Variants in ZFHX3 observed in about 807,000 individuals in gnomAD.
ZFHX3 encodes the protein zinc finger homeobox protein 3.
ZFHX3 carries 42 observed loss-of-function variants against 279.1 expected under a neutral mutation model. The ratio of observed to expected loss-of-function variants is 0.15; its 90% CI spans 0.12 to 0.19. The LOEUF (loss-of-function observed/expected upper bound fraction) is 0.19. ZFHX3 is among the 10% of genes least tolerant of loss of function. The pLI is 1.00. For synonymous variants in ZFHX3, 2,293 were observed against 1,957.8 expected (o/e 1.17, Z -4.52); for missense variants, 4,981 against 4,754.0 (o/e 1.05, Z -1.40).
At chr16:73,341,513 G>A (rs966121718) in intron 3 of ZFHX3, among the ~76,000 whole-genome samples, 2 of 152,112 alleles carry the variant, frequency 1.3e-5, no homozygotes, top group East Asian at 1.9e-4. Flanking sequence ...CAGTTTGATG[G>A]TTCCTCAAAC....
At chr16:72,969,692 T>C (rs192382372) in intron 1 of ZFHX3, among the ~76,000 whole-genome samples, 1 of 152,342 alleles carries the variant, frequency 6.6e-6, no homozygotes, top group Non-Finnish European at 1.5e-5. Context: ...TGAAACCTCC[T>C]TCAAGGGTCA....
In ZFHX3 at chr16:72,901,217, C is replaced by G. The variant is rs1009896061; in HGVS notation, c.3217-11255G>C. On this transcript the variant is annotated intron_variant, in intron 3 of 9. Transcript: ENST00000268489. ...TTTTCCTCCCTTGCTCTGCAGCCCGCTGAGTGCACCTGCCCAGATGTCTTG... is the reference window on the plus strand; with the variant it reads ...TTTTCCTCCCTTGCTCTGCAGCCCGGTGAGTGCACCTGCCCAGATGTCTTG... Among the ~76,000 whole-genome samples, 6 of 152,328 alleles carry G rather than the reference C, an allele frequency of 3.9e-5. No homozygotes were observed. In the South Asian group the frequency reaches 1.2e-3, roughly 32 times the overall value.
chr16:73,296,556 C>T (rs2014914353), intron 4 of ZFHX3, among the ~76,000 whole-genome samples: 2 of 152,188 alleles, frequency 1.3e-5, no homozygotes, highest in Non-Finnish European at 2.9e-5. Context: ...AACAAATTTA[C>T]TAGACAACAA....
At chr16:73,420,936 C>A (rs1233547609) in intron 3 of ZFHX3, 1 of 152,224 alleles carries the variant, frequency 6.6e-6, no homozygotes, top group Non-Finnish European at 1.5e-5. Flanking sequence ...TAATCTGGCT[C>A]ATTTCATTGG....
chr16:73,423,204 C>T lies in ZFHX3; in HGVS notation c.-1291+32799G>A, dbSNP rs968162797. On this transcript the variant is annotated intron_variant, in intron 3 of 17. Transcript: ENST00000641206. ...GGGAGGGACAAAATTCATCCTATAA[C>T]ACCACCCTTTGTTATTCAAGAGCTG... Among the ~76,000 whole-genome samples the T allele has an allele frequency of 6.7e-5, 10 of 148,606 alleles. 1 individual carries two copies. The South Asian group carries it at 2.2e-3, about 32-fold the overall frequency.
intron 2 of ZFHX3, among the ~76,000 whole-genome samples, chr16:73,641,874 A>G (rs2052575999): frequency 6.6e-6 from 1 of 152,174 alleles, no homozygotes; most frequent in Admixed American, 6.5e-5. Context: ...AGAAATTAGT[A>G]AACAAGCAAA....
chr16:73,858,108 AGAAG>A (rs1961786717), intron 1 of ZFHX3, among the ~76,000 whole-genome samples: 1 of 146,524 alleles, frequency 6.8e-6, no homozygotes, highest in African/African-American at 2.7e-5. Flanking sequence ...AAAAAAAAAA[AGAAG>A]AAGAAGAAGA....
chr16:73,797,968 A>G (rs1204814326), intron 1 of ZFHX3, among the ~76,000 whole-genome samples: 1 of 151,802 alleles, frequency 6.6e-6, no homozygotes, highest in Non-Finnish European at 1.5e-5. Context: ...CACTATATCC[A>G]GCCAATTTTT....
At chr16:73,413,216 G>T (rs1371660567) in intron 3 of ZFHX3, among the ~76,000 whole-genome samples, 1 of 152,232 alleles carries the variant, frequency 6.6e-6, no homozygotes, top group Non-Finnish European at 1.5e-5. Flanking sequence ...AGTTCAAGAG[G>T]CCCTTGCCAT....
intron 4 of ZFHX3, among the ~76,000 whole-genome samples, chr16:72,833,732 A>G (rs2037120042): frequency 3.9e-5 from 6 of 152,100 alleles, no homozygotes; most frequent in South Asian, 4.2e-4. Context: ...AGCAGGCCCA[A>G]TGCCTCCCAG....
intron 1 of ZFHX3, among the ~76,000 whole-genome samples, chr16:73,706,352 C>T (rs1307179956): frequency 2.6e-5 from 4 of 151,022 alleles, no homozygotes; most frequent in African/African-American, 9.7e-5. Flanking sequence ...ATCCCAGCTA[C>T]TCGGGAGGCT....
At position 72,831,289 on chromosome 16, in the gene ZFHX3, G is replaced by A. The variant is rs549238507; in HGVS notation, c.3449-1430C>T. ...ATGGAGGTCCAAGGTCTGGAAAACT[G>A]AACTAGTGTCACGGAACGTTCTTTC... On this transcript the variant is annotated intron_variant, in intron 4 of 9. Transcript: ENST00000268489. Among the ~76,000 whole-genome samples the A allele has an allele frequency of 2.6e-5, 4 of 152,278 alleles. No homozygotes were observed. In the East Asian group the frequency reaches 7.7e-4, roughly 29 times the overall value.
chr16:73,006,960 G>A lies in ZFHX3; in HGVS notation c.-50+40792C>T, dbSNP rs147388375. On this transcript the variant is annotated intron_variant, in intron 1 of 9. Coordinates refer to ENST00000268489, the MANE Select transcript of ZFHX3 (RefSeq NM_006885.4). ...AGCAAAAAGGCTGTCGAGTCCACAG[G>A]TCCTTTACATGTTGAGTAAAGACCC... Among the ~76,000 whole-genome samples, 5 of 152,256 alleles carry A rather than the reference G, an allele frequency of 3.3e-5. No homozygotes were observed. In the East Asian group the frequency reaches 9.7e-4, roughly 29 times the overall value.
In ZFHX3 at chr16:72,957,803, C is replaced by G. The variant is rs369675306; in HGVS notation, c.2343G>C (p.Ala781=). Residue 781 remains alanine (A), a synonymous_variant, in exon 2 of 10, where the codon GCG becomes GCC. Transcript: ENST00000268489. ...GAAAAAVAAA[A]AAANISSSCG... Reference sequence around the variant, plus strand: ...AGGAGCTACTGATATTGGCTGCCGCCGCCGCCGCAGCCACCGCCGCCGCCG... The same window carrying G: ...AGGAGCTACTGATATTGGCTGCCGCGGCCGCCGCAGCCACCGCCGCCGCCG... The G allele has an allele frequency of 5.0e-5, 80 of 1,591,388 alleles. No individual in the cohort carries two copies. The highest frequency in any genetic ancestry group is 6.9e-5 in the Non-Finnish European group (80 of 1,163,988).
chr16:73,064,379 G>C (rs1965720975), upstream of ZFHX3, among the ~76,000 whole-genome samples: 1 of 152,242 alleles, frequency 6.6e-6, no homozygotes, highest in South Asian at 2.1e-4. Context: ...CTAGAAGGCA[G>C]CTGAGGTCTG....
chr16:73,308,276 T>C (rs1410466582), intron 4 of ZFHX3, among the ~76,000 whole-genome samples: 1 of 45,714 alleles, frequency 2.2e-5, no homozygotes, highest in Non-Finnish European at 4.8e-5. Flanking sequence ...TATATATATA[T>C]ATTTATTTAT....
At chr16:73,776,544 C>T (rs926762817) in intron 1 of ZFHX3, among the ~76,000 whole-genome samples, 1 of 152,040 alleles carries the variant, frequency 6.6e-6, no homozygotes, top group Non-Finnish European at 1.5e-5. Flanking sequence ...AAATATGCAA[C>T]CGCGTTAATG....
intron 2 of ZFHX3, chr16:73,499,649 A>G (rs1175074153): frequency 6.6e-6 from 1 of 152,228 alleles, no homozygotes; most frequent in Non-Finnish European, 1.5e-5. Context: ...AATGGAGACT[A>G]CAGATGTATG....
At chr16:73,325,415 T>G (rs146769084) in intron 3 of ZFHX3, among the ~76,000 whole-genome samples, 3 of 152,230 alleles carry the variant, frequency 2.0e-5, no homozygotes, top group Non-Finnish European at 4.4e-5. Flanking sequence ...CTCTAATGAA[T>G]CTAAGTGCCC....
Sources: gnomAD v4.1 joint callset for allele counts (sites outside exome capture counted in the v4.1 genomes callset) on GRCh38, gnomAD v4.1.1 for gene constraint, MANE v1.5 for transcripts, NCBI Gene and HGNC (gene_info 2026-07-23, HGNC 2026-07-21) for gene names.